Variants in RORA observed in about 807,000 individuals in gnomAD.
RORA encodes RAR related orphan receptor A, also known as nuclear receptor ROR-alpha.
In RORA, 7 loss-of-function variants were observed where a neutral mutation model predicts 69.5. The ratio of observed to expected loss-of-function variants is 0.10; its 90% CI spans 0.06 to 0.19. The LOEUF is 0.19. Among genes scored for constraint, RORA ranks in the 10% least tolerant of loss-of-function variants. RORA has a pLI of 1.00. For missense variants in RORA, 457 were observed against 663.0 expected, an observed-to-expected ratio of 0.69 and a Z score of 3.41; for synonymous variants, 261 against 240.8, an observed-to-expected ratio of 1.08 and a Z score of -0.78.
intron 1 of RORA, among the ~76,000 whole-genome samples, chr15:60,831,565 A>G (rs80148549): frequency 5.3e-5 from 8 of 152,192 alleles, no homozygotes; most frequent in African/African-American, 1.9e-4. Flanking sequence ...GCTCACAGTT[A>G]TATAGCTCTG....
chr15:61,164,260 T>G (rs1439024590), intron 1 of RORA, among the ~76,000 whole-genome samples: 1 of 152,224 alleles, frequency 6.6e-6, no homozygotes, highest in Non-Finnish European at 1.5e-5. Flanking sequence ...ATTTGCTGTC[T>G]CTCTGTAGTG....
At chr15:60,992,250 A>G (rs1052664705) in intron 1 of RORA, among the ~76,000 whole-genome samples, 3 of 152,220 alleles carry the variant, frequency 2.0e-5, no homozygotes, top group African/African-American at 7.2e-5. Flanking sequence ...GACTTGATTA[A>G]AACAATTTCA....
intron 2 of RORA, among the ~76,000 whole-genome samples, chr15:60,581,319 C>CA (rs1307610462): frequency 1.3e-5 from 2 of 152,152 alleles, no homozygotes; most frequent in African/African-American, 4.8e-5. Context: ...TGTTTCTCTG[C>CA]AATAGTGGAA....
intron 1 of RORA, among the ~76,000 whole-genome samples, chr15:61,204,897 T>C (rs981913862): frequency 1.3e-5 from 2 of 152,226 alleles, no homozygotes; most frequent in Non-Finnish European, 2.9e-5. Context: ...CTGAGGCTTA[T>C]GGAAGAGATA....
At chr15:60,967,918 C>T (rs1291584699) in intron 1 of RORA, among the ~76,000 whole-genome samples, 1 of 152,184 alleles carries the variant, frequency 6.6e-6, no homozygotes, top group Non-Finnish European at 1.5e-5. Flanking sequence ...CCCCTGCCTC[C>T]ACAGAGCCCC....
chr15:60,911,409 A>G (rs983845570), intron 1 of RORA, among the ~76,000 whole-genome samples: 2 of 152,202 alleles, frequency 1.3e-5, no homozygotes, highest in Non-Finnish European at 2.9e-5. Flanking sequence ...ATTTTCTGTC[A>G]TACTCAGTCA....
At chr15:61,167,482 A>ATTTT (rs199752865) in intron 1 of RORA, among the ~76,000 whole-genome samples, 19 of 133,680 alleles carry the variant, frequency 1.4e-4, no homozygotes, top group East Asian at 5.2e-4. Flanking sequence ...TTTGACCAGG[A>ATTTT]TTTTTTTTTT....
intron 1 of RORA, among the ~76,000 whole-genome samples, chr15:60,773,162 T>C (rs2072103838): frequency 6.6e-6 from 1 of 152,176 alleles, no homozygotes; most frequent in East Asian, 1.9e-4. Context: ...CCTTGATCCA[T>C]CTTGACAAGT....
chr15:61,174,618 G>T (rs1253211547), intron 1 of RORA, among the ~76,000 whole-genome samples: 1 of 152,166 alleles, frequency 6.6e-6, no homozygotes, highest in East Asian at 1.9e-4. Context: ...TTTAGTATTT[G>T]CATTTGTCAT....
At chr15:61,086,411 G>A (rs782908) in intron 1 of RORA, among the ~76,000 whole-genome samples, 24,475 of 152,170 alleles carry the variant, frequency 0.16, 2,094 homozygotes, top group African/African-American at 0.2. Flanking sequence ...AGTTGTAAAT[G>A]AGAACTTAAT....
intron 1 of RORA, among the ~76,000 whole-genome samples, chr15:61,076,597 T>C (rs72739503): frequency 0.094 from 14,258 of 152,252 alleles, 778 homozygotes; most frequent in Non-Finnish European, 0.12. Flanking sequence ...AGGCTTACAA[T>C]AGAAACTGCA....
At chr15:60,497,676 T>C in intron 10 of RORA, 57 bp from the exon 11 acceptor site, 1 of 1,381,146 alleles carries the variant, frequency 7.2e-7, no homozygotes, top group Non-Finnish European at 1.0e-6. Context: ...GCATCAAAGA[T>C]CAGGGAACCT....
intron 1 of RORA, among the ~76,000 whole-genome samples, chr15:60,976,478 C>T (rs558250378): frequency 2.0e-5 from 3 of 152,238 alleles, no homozygotes; most frequent in South Asian, 4.2e-4. Context: ...TCCTTCTAGA[C>T]CCACTCCTTC....
intron 1 of RORA, among the ~76,000 whole-genome samples, chr15:60,723,314 A>C (rs759013055): frequency 9.8e-5 from 15 of 152,314 alleles, no homozygotes; most frequent in Non-Finnish European, 1.5e-4. Context: ...TGAAAGAGAA[A>C]AATAGACTGT....
At chr15:60,865,940 C>CT (rs1332383237) in intron 1 of RORA, among the ~76,000 whole-genome samples, 1 of 152,110 alleles carries the variant, frequency 6.6e-6, no homozygotes, top group Non-Finnish European at 1.5e-5. Flanking sequence ...GCCTAGACAA[C>CT]TTATCTTCTT....
chr15:60,823,037 C>T lies in RORA; in HGVS notation c.167-144351G>A, dbSNP rs961672183. Among the ~76,000 whole-genome samples the T allele has an allele frequency of 2.7e-5, 4 of 148,862 alleles. 1 individual carries two copies. The highest frequency in any genetic ancestry group is 1.3e-4 in the Admixed American group (2 of 14,880). ...TCCCTCCCCTTTCCTTCCTTCCTTC[C>T]CTCTCTTTCTCTCTCCCTCCCCTCC... On this transcript the variant is annotated intron_variant, in intron 1 of 10. Transcript: ENST00000335670.
Position 60,727,493 on chromosome 15 carries a change from G to A in RORA, c.167-48807C>T, listed in dbSNP as rs74792035. Among the ~76,000 whole-genome samples, 376 of 152,144 alleles carry A rather than the reference G, an allele frequency of 2.5e-3. 2 individuals are homozygous for A. Among genetic ancestry groups the A allele is most frequent in the African/African-American group, 8.7e-3 (360 of 41,496 alleles). On this transcript the variant is annotated intron_variant, in intron 1 of 10. Coordinates refer to ENST00000335670, the MANE Select transcript of RORA (RefSeq NM_134261.3). ...ACAATAAGAGCCTCACATTCCTCTC[G>A]CTGACAGCTGATCCCTTATGAACCA...
intron 1 of RORA, among the ~76,000 whole-genome samples, chr15:60,934,172 C>T (rs765865076): frequency 7.9e-5 from 12 of 152,238 alleles, no homozygotes; most frequent in Non-Finnish European, 1.8e-4. Flanking sequence ...CTCCTGCTTC[C>T]GTGTGACTAG....
intron 1 of RORA, among the ~76,000 whole-genome samples, chr15:60,900,936 A>G (rs1300406698): frequency 1.3e-5 from 2 of 152,146 alleles, no homozygotes; most frequent in African/African-American, 4.8e-5. Context: ...TTGCATAGAT[A>G]TAATAAGGTT....
Sources: allele counts gnomAD v4.1 joint callset (sites outside exome capture counted in the v4.1 genomes callset), GRCh38; gene constraint gnomAD v4.1.1; transcripts MANE v1.5; gene names NCBI Gene and HGNC (gene_info 2026-07-23, HGNC 2026-07-21).